Variants in MICB observed in about 807,000 individuals in gnomAD.
The protein encoded by MICB is MHC class I antigen-related protein B.
A neutral mutation model predicts 34.3 loss-of-function variants in MICB; 27 were observed. That is an observed-to-expected ratio of 0.79 (90% confidence interval 0.58 to 1.08). The LOEUF is 1.08. Among genes scored for constraint, MICB ranks in the 50% least tolerant of loss-of-function variants. The probability of loss-of-function intolerance (pLI) is 0.00; values close to 1 mark genes in which losing one functional copy is unlikely to be tolerated. For missense variants in MICB, 426 were observed against 483.1 expected (o/e 0.88, Z 1.11); for synonymous variants, 153 against 187.4 (o/e 0.82, Z 1.50).
At chr6:31,498,326 G>C in intron 1 of MICB, 63 bp downstream of exon 1, 1 of 1,405,904 alleles carries the variant, frequency 7.1e-7, no homozygotes, top group East Asian at 3.0e-5. Flanking sequence ...CGGGGGTCCG[G>C]GTGGGTTGCC....
chr6:31,495,213 AAATGCC>A (rs2150271145), upstream of MICB, among the ~76,000 whole-genome samples: 1 of 152,264 alleles, frequency 6.6e-6, no homozygotes, highest in East Asian at 1.9e-4. Flanking sequence ...AACCGCTTCT[AAATGCC>A]TTAGAACAAA....
intron 1 of MICB, among the ~76,000 whole-genome samples, chr6:31,503,795 A>G (rs1308999078): frequency 6.6e-6 from 1 of 152,156 alleles, no homozygotes; most frequent in Non-Finnish European, 1.5e-5. Context: ...TCTTTTGGGT[A>G]TATATCCAGA....
chr6:31,504,561 CTGGA>C (rs201725498), intron 1 of MICB, among the ~76,000 whole-genome samples: 4,243 of 152,186 alleles, frequency 0.028, 59 homozygotes, highest in South Asian at 0.048. Context: ...GCCTGGCCTT[CTGGA>C]AACTAATCTC....
intron 1 of MICB, among the ~76,000 whole-genome samples, chr6:31,504,508 C>A (rs1765190485): frequency 7.1e-6 from 1 of 140,444 alleles, no homozygotes; most frequent in African/African-American, 2.5e-5. Flanking sequence ...ATACACCCGC[C>A]TCGGCCTCCC....
At position 31,504,246 on chromosome 6, in the gene MICB, CTCTTTT is replaced by C. The variant is rs1356897039; in HGVS notation, c.71-1363_71-1358del. On this transcript the variant is annotated intron_variant, in intron 1 of 5. Transcript: ENST00000252229. ...TTGCATATTCTGGAAACTAATCTCTCTCTTTTTCTTTTTTTTTTTTTTTTTTTTTTT... is the reference window on the plus strand; with the variant it reads ...TTGCATATTCTGGAAACTAATCTCTCTCTTTTTTTTTTTTTTTTTTTTTTT... Among the ~76,000 whole-genome samples, 610 of 103,518 alleles carry C rather than the reference CTCTTTT, an allele frequency of 5.9e-3. 10 individuals are homozygous for C. The highest frequency in any genetic ancestry group is 0.012 in the African/African-American group (313 of 25,672). 67.9% of individuals were successfully genotyped at this position (103,518 alleles called of 152,430 possible). A position where few individuals can be genotyped will look rare whatever the true frequency, so the allele number is the denominator to read the frequency against.
At chr6:31,496,875 AG>A (rs1427673097), upstream of MICB, 2 of 152,688 alleles carry the variant, frequency 1.3e-5, no homozygotes, top group African/African-American at 4.8e-5. Context: ...GAGACTGCTT[AG>A]GCAGTGGCAT....
intron 1 of MICB, among the ~76,000 whole-genome samples, chr6:31,503,949 C>CTGTTTGTGTGTGTGTGTGTGTGTGTG (rs28751333): frequency 1.2e-4 from 12 of 97,602 alleles, no homozygotes; most frequent in African/African-American, 3.6e-4. Context: ...GCCAAACTTG[C>CTGTTTGTGTGTGTGTGTGTGTGTGTG]TGTGTGTGTG....
Position 31,507,237 on chromosome 6 carries a change from G to A in MICB, c.829G>A (p.Glu277Lys). ...WVATRIRQGEEQRFTCYMEHS... is the reference protein window; with the variant it reads ...WVATRIRQGEKQRFTCYMEHS... ...GGCCACCAGGATTCGCCAAGGAGAGGAGCAGAGGTTCACCTGCTACATGGA... is the reference window on the plus strand; with the variant it reads ...GGCCACCAGGATTCGCCAAGGAGAGAAGCAGAGGTTCACCTGCTACATGGA... The change falls in exon 4 of 6, where the codon GAG (glutamate) becomes AAG (lysine). Residue 277 changes from glutamate to lysine, a missense_variant. Glu to Lys is a moderately conservative substitution (Grantham distance 56). Transcript: ENST00000252229. The surrounding 1 kb of genome is among the most constrained non-coding windows in gnomAD (Gnocchi z 6.0). 1.9e-6 allele frequency: 3 copies of A among 1,614,116 alleles called. No homozygotes were observed. Among genetic ancestry groups the A allele is most frequent in the South Asian group, 1.1e-5 (1 of 91,086 alleles).
intron 3 of MICB, 101 bp from the exon 4 acceptor site, chr6:31,506,921 G>A: frequency 6.6e-7 from 1 of 1,524,108 alleles, no homozygotes; most frequent in Non-Finnish European, 8.8e-7. Context: ...TATCTGTGAG[G>A]GATTCAGCCA....
chr6:31,496,090 A>C (rs1191692214), upstream of MICB, among the ~76,000 whole-genome samples: 1 of 152,178 alleles, frequency 6.6e-6, no homozygotes, highest in Non-Finnish European at 1.5e-5. Context: ...GTGGCCTGGG[A>C]ACATGGATAT....
chr6:31,498,981 G>A (rs1462060537), intron 1 of MICB, among the ~76,000 whole-genome samples: 1 of 150,594 alleles, frequency 6.6e-6, no homozygotes, highest in Non-Finnish European at 1.5e-5. Context: ...GGTGCTGGGG[G>A]CGGATCTCAG....
Position 31,498,145 on chromosome 6 carries a change from A to C in MICB, c.-49A>C. On this transcript the variant is annotated 5_prime_UTR_variant, in exon 1 of 6. Transcript: ENST00000252229. ...TCGACGGGGTCTTCTCACGGGTTTC[A>C]TTCAGTTGGCCACTGCTGAGCAGCT... is the stretch of plus-strand genomic sequence containing the variant. 6.7e-7 allele frequency: 1 copy of C among 1,493,976 alleles called. No homozygotes were observed. The highest frequency in any genetic ancestry group is 9.1e-7 in the Non-Finnish European group (1 of 1,098,006). 92.5% of individuals were successfully genotyped at this position (1,493,976 alleles called of 1,614,324 possible). A position where few individuals can be genotyped will look rare whatever the true frequency, so the allele number is the denominator to read the frequency against.
Position 31,507,385 on chromosome 6 carries a change from G to C in MICB, c.893-15G>C. Reference sequence around the variant, plus strand: ...TGGCTCTCTGCCCAGTGTATAACAAGTCCCTTTTTTTCAGGGAAGGCGCTG... The same window carrying C: ...TGGCTCTCTGCCCAGTGTATAACAACTCCCTTTTTTTCAGGGAAGGCGCTG... On this transcript the variant is annotated splice_polypyrimidine_tract_variant and intron_variant, in intron 4 of 5. Coordinates refer to ENST00000252229, the MANE Select transcript of MICB (RefSeq NM_005931.5). The surrounding 1 kb of genome is among the most constrained non-coding windows in gnomAD (Gnocchi z 6.0). The C allele has an allele frequency of 6.2e-7, 1 of 1,614,120 alleles. No homozygotes were observed. The highest frequency in any genetic ancestry group is 8.5e-7 in the Non-Finnish European group (1 of 1,180,034).
intron 1 of MICB, among the ~76,000 whole-genome samples, chr6:31,504,254 C>CTTTTTTTTTTTTTTTTTT (rs9281513): frequency 1.3e-4 from 8 of 60,276 alleles, no homozygotes; most frequent in Admixed American, 5.7e-4. Context: ...CTCTCTTTTT[C>CTTTTTTTTTTTTTTTTTT]TTTTTTTTTT....
chr6:31,499,086 G>A (rs3094004), intron 1 of MICB, among the ~76,000 whole-genome samples: 3 of 152,094 alleles, frequency 2.0e-5, no homozygotes, highest in African/African-American at 7.2e-5. Context: ...GGGACCCGGA[G>A]GTGGTGCTTC....
At chr6:31,498,073 T>G, upstream of MICB, 1 of 711,062 alleles carries the variant, frequency 1.4e-6, no homozygotes. Flanking sequence ...CGGGCCTCAG[T>G]TTTCACTGGA....
intron 5 of MICB, among the ~76,000 whole-genome samples, chr6:31,509,200 TG>T (rs766552757): frequency 6.6e-6 from 1 of 152,094 alleles, no homozygotes; most frequent in Non-Finnish European, 1.5e-5. Context: ...TCGAGCAAGG[TG>T]GGGGGTCCCA....
chr6:31,498,902 C>G (rs1480087816), intron 1 of MICB, among the ~76,000 whole-genome samples: 1 of 152,176 alleles, frequency 6.6e-6, no homozygotes, highest in Non-Finnish European at 1.5e-5. Flanking sequence ...CCCCTGGGTT[C>G]CCGGGCTGCT....
chr6:31,503,054 T>C (rs1765093057), intron 1 of MICB, among the ~76,000 whole-genome samples: 1 of 152,250 alleles, frequency 6.6e-6, no homozygotes, highest in Admixed American at 6.5e-5. Context: ...GATTGATTTG[T>C]GTATGCATAC....
Sources: allele counts gnomAD v4.1 joint callset (sites outside exome capture counted in the v4.1 genomes callset), GRCh38; gene constraint gnomAD v4.1.1; non-coding constraint Gnocchi (gnomAD v3.1); transcripts MANE v1.5; gene names NCBI Gene and HGNC (gene_info 2026-07-23, HGNC 2026-07-21).